Variants in CTSB observed in about 807,000 individuals in gnomAD.
The protein encoded by CTSB is cathepsin B.
CTSB carries 57 observed loss-of-function variants against 44.3 expected under a neutral mutation model. That is an observed-to-expected ratio of 1.29 (90% CI 1.04 to 1.60). The LOEUF (loss-of-function observed/expected upper bound fraction) is 1.60, where lower values mean the gene tolerates loss of function less well. CTSB is among the 40% of genes most tolerant of loss of function. The pLI, the probability that CTSB is intolerant of heterozygous loss-of-function variation, is 0.00. For synonymous variants in CTSB, 320 were observed against 168.0 expected (o/e 1.91, Z -7.00); for missense variants, 768 against 443.0 (o/e 1.73, Z -6.59).
intron 5 of CTSB, 113 bp from the exon 6 acceptor site, chr8:11,848,265 C>G (rs1346617452): frequency 1.1e-6 from 1 of 904,330 alleles, no homozygotes; most frequent in African/African-American, 1.6e-5. Flanking sequence ...CCAGCTGCAG[C>G]AAGTGGTGCG....
Position 11,852,705 on chromosome 8 carries a change from A to G in CTSB, c.127-10T>C. ...AGAAGTTGTGCCCGGCCTGGAAGAG[A>G]GTCACCCACTGACTGAAGGGTCTCC... On this transcript the variant is annotated splice_polypyrimidine_tract_variant and intron_variant, in intron 2 of 9. Coordinates refer to ENST00000353047, the MANE Select transcript of CTSB (RefSeq NM_001908.5). 6.2e-7 allele frequency: 1 copy of G among 1,613,244 alleles called. No individual in the cohort carries two copies. Among genetic ancestry groups the G allele is most frequent in the Non-Finnish European group, 8.5e-7 (1 of 1,179,554 alleles).
At chr8:11,856,435 G>A (rs1386414576) in intron 1 of CTSB, among the ~76,000 whole-genome samples, 5 of 151,946 alleles carry the variant, frequency 3.3e-5, no homozygotes, top group Non-Finnish European at 5.9e-5. Flanking sequence ...CTAAGGTGGT[G>A]AAACCCTGTA....
intron 8 of CTSB, chr8:11,846,538 T>C (rs1204230685): frequency 6.5e-6 from 1 of 153,518 alleles, no homozygotes; most frequent in Non-Finnish European, 1.4e-5. Context: ...CCAGATTCCT[T>C]GGTTGGAGTC....
rs907333777 is a variant in CTSB, at chr8:11,843,924, C to G, written c.*1201G>C. The G allele has an allele frequency of 1.3e-5, 2 of 152,128 alleles. No individual in the cohort carries two copies. The highest frequency in any genetic ancestry group is 2.1e-4 in the South Asian group (1 of 4,832). 9.4% of individuals were successfully genotyped at this position (152,128 alleles called of 1,614,324 possible). A position where few individuals can be genotyped will look rare whatever the true frequency, so the allele number is the denominator to read the frequency against. On this transcript the variant is annotated 3_prime_UTR_variant, in exon 10 of 10. Transcript: ENST00000353047. ...GTGAGTGCCTGTCATCCCAGCTACT[C>G]GGAAGGCTGAAGCAGGAGAATCGCT...
At chr8:11,866,098 G>C (rs1025817507) in intron 1 of CTSB, among the ~76,000 whole-genome samples, 9 of 151,454 alleles carry the variant, frequency 5.9e-5, no homozygotes, top group Admixed American at 5.9e-4. Context: ...CCCCTGAAAC[G>C]TGACCTCCCT....
chr8:11,847,526 T>G (rs757642361), intron 7 of CTSB, among the ~76,000 whole-genome samples, 153 bp downstream of exon 7: 75 of 152,010 alleles, frequency 4.9e-4, no homozygotes, highest in African/African-American at 1.7e-3. Context: ...GTGTGCTGCT[T>G]CTCCTGGCAA....
rs1419864836 is a variant in CTSB at position 11,845,728 on chromosome 8, C to G, written c.855G>C (p.Trp285Cys). 6.2e-7 allele frequency: 1 copy of G among 1,614,156 alleles called. No homozygotes were observed. Among genetic ancestry groups the G allele is most frequent in the African/African-American group, 1.3e-5 (1 of 75,056 alleles). The change falls in exon 9 of 10, where the codon TGG (tryptophan) becomes TGC (cysteine). Residue 285 changes from tryptophan (W) to cysteine (C), a missense_variant. By Grantham distance (215) the Trp-to-Cys change is radical. Transcript: ENST00000353047. Reference sequence around the variant, plus strand: ...AGTAGGGTGTGCCATTCTCCACTCCCCAGCCCAGGATGCGGATGGCATGGC... The same window carrying G: ...AGTAGGGTGTGCCATTCTCCACTCCGCAGCCCAGGATGCGGATGGCATGGC... ...MGGHAIRILGWGVENGTPYWL... is the reference protein window; with the variant it reads ...MGGHAIRILGCGVENGTPYWL...
At chr8:11,849,260 G>A (rs1343176973) in intron 4 of CTSB, 96 bp from the exon 5 acceptor site, 4 of 850,360 alleles carry the variant, frequency 4.7e-6, no homozygotes, top group South Asian at 2.9e-5. Context: ...CTCAGACCTT[G>A]TAGGCAACTG....
intron 1 of CTSB, among the ~76,000 whole-genome samples, chr8:11,860,962 G>A (rs888739776): frequency 3.9e-5 from 6 of 152,228 alleles, no homozygotes; most frequent in Non-Finnish European, 7.3e-5. Flanking sequence ...GCCCTGCACT[G>A]GGTGGGAGTG....
In CTSB at chr8:11,853,647, G is replaced by A. The variant is rs979317279; in HGVS notation, c.-25-168C>T. ...CTATGGGATCCCCGCCCCCCTGCCC[G>A]AAGCACGCCATGACCTCGTGTGGGT... is the stretch of plus-strand genomic sequence containing the variant. On this transcript the variant is annotated intron_variant, in intron 1 of 9. Transcript: ENST00000353047. 2.7e-5 allele frequency: 17 copies of A among 635,546 alleles called. 1 individual carries two copies. Among genetic ancestry groups the A allele is most frequent in the East Asian group, 6.1e-5 (2 of 32,672 alleles). The allele number at this position is 635,546 out of a possible 1,614,324, so 39.4% of individuals were successfully genotyped here.
In CTSB at chr8:11,845,717, T is replaced by A. The variant is rs1212824063; in HGVS notation, c.866A>T (p.Asn289Ile). 1 of 1,614,124 alleles carries A rather than the reference T, an allele frequency of 6.2e-7. No homozygotes were observed. Among genetic ancestry groups the A allele is most frequent in the African/African-American group, 1.3e-5 (1 of 75,052 alleles). ...AIRILGWGVE[N>I]GTPYWLVANS... ...GGCAACCAGCCAGTAGGGTGTGCCA[T>A]TCTCCACTCCCCAGCCCAGGATGCG... Residue 289 changes from asparagine to isoleucine, a missense_variant, in exon 9 of 10, where the codon AAT (asparagine) becomes ATT (isoleucine). Coordinates refer to ENST00000353047, the MANE Select transcript of CTSB (RefSeq NM_001908.5).
At chr8:11,855,289 C>T (rs1253055124) in intron 1 of CTSB, among the ~76,000 whole-genome samples, 2 of 152,084 alleles carry the variant, frequency 1.3e-5, no homozygotes, top group African/African-American at 4.8e-5. Context: ...CAAAGTGCTG[C>T]GATGACAGGC....
Position 11,845,089 on chromosome 8 carries a change from T to G in CTSB, c.*36A>C. 7.3e-7 allele frequency: 1 copy of G among 1,378,530 alleles called. No individual in the cohort carries two copies. The highest frequency in any genetic ancestry group is 1.4e-5 in the African/African-American group (1 of 70,242). 85.4% of individuals were successfully genotyped at this position (1,378,530 alleles called of 1,614,324 possible). On this transcript the variant is annotated 3_prime_UTR_variant, in exon 10 of 10. Coordinates refer to ENST00000353047, the MANE Select transcript of CTSB (RefSeq NM_001908.5). ...AATAAAATGCATTTCTACCCCGATCTCGCCCCCAGGACTGGCACGACAGGC... is the reference window on the plus strand; with the variant it reads ...AATAAAATGCATTTCTACCCCGATCGCGCCCCCAGGACTGGCACGACAGGC...
At position 11,843,662 on chromosome 8, in the gene CTSB, G is replaced by C. The variant is rs187444909; in HGVS notation, c.*1463C>G. On this transcript the variant is annotated 3_prime_UTR_variant, in exon 10 of 10. Transcript: ENST00000353047. The stretch of plus-strand genomic sequence containing the variant: ...GTGGTTCCCCACGGGGTAGCATCTT[G>C]GTTATGTGAGATCACCAAGACACCA... 1 of 152,236 alleles carries C rather than the reference G, an allele frequency of 6.6e-6. No individual in the cohort carries two copies. The highest frequency in any genetic ancestry group is 2.4e-5 in the African/African-American group (1 of 41,454). 9.4% of individuals were successfully genotyped at this position (152,236 alleles called of 1,614,324 possible).
rs966506991 is a variant in CTSB at position 11,843,265 on chromosome 8, C to G, written c.*1860G>C. 1.3e-5 allele frequency: 2 copies of G among 152,132 alleles called. No homozygotes were observed. Among genetic ancestry groups the G allele is most frequent in the Non-Finnish European group, 2.9e-5 (2 of 68,016 alleles). The allele number at this position is 152,132 out of a possible 1,614,324, so 9.4% of individuals were successfully genotyped here. ...GCCGGCTGTTATGCTCATCATGGCACTTAAGAGATGCTTAACAAACCTTTC... is the reference window on the plus strand; with the variant it reads ...GCCGGCTGTTATGCTCATCATGGCAGTTAAGAGATGCTTAACAAACCTTTC... On this transcript the variant is annotated 3_prime_UTR_variant, in exon 10 of 10. Transcript: ENST00000353047.
In CTSB at chr8:11,853,472, A is replaced by G; in HGVS notation, c.-18T>C. ...TGCCACATGTTGGAAGCCGGATCCTAGATCCACCTGGAGAGGACAGAGGGC... is the reference window on the plus strand; with the variant it reads ...TGCCACATGTTGGAAGCCGGATCCTGGATCCACCTGGAGAGGACAGAGGGC... On this transcript the variant is annotated 5_prime_UTR_variant, in exon 2 of 10. Transcript: ENST00000353047. The G allele has an allele frequency of 6.2e-7, 1 of 1,609,820 alleles. No homozygotes were observed. Among genetic ancestry groups the G allele is most frequent in the Non-Finnish European group, 8.5e-7 (1 of 1,178,996 alleles).
At chr8:11,860,416 G>A (rs1306601962) in intron 1 of CTSB, among the ~76,000 whole-genome samples, 1 of 152,200 alleles carries the variant, frequency 6.6e-6, no homozygotes, top group Non-Finnish European at 1.5e-5. Flanking sequence ...GAGGTCAGGA[G>A]TTCGAGACCA....
chr8:11,862,375 G>C (rs1296365381), intron 1 of CTSB: 3 of 152,190 alleles, frequency 2.0e-5, no homozygotes, highest in Admixed American at 6.5e-5. Flanking sequence ...GCGCCATCTG[G>C]GAGAAACTTC....
intron 1 of CTSB, among the ~76,000 whole-genome samples, chr8:11,864,177 A>G (rs1373366470): frequency 1.3e-5 from 2 of 152,136 alleles, no homozygotes; most frequent in Admixed American, 6.6e-5. Flanking sequence ...CAGAGTTTTA[A>G]AAGTACAAAA....
Sources: gnomAD v4.1 joint callset for allele counts (sites outside exome capture counted in the v4.1 genomes callset) on GRCh38, gnomAD v4.1.1 for gene constraint, MANE v1.5 for transcripts, NCBI Gene and HGNC (gene_info 2026-07-23, HGNC 2026-07-21) for gene names.